The following TBC1D14 variants were observed in gnomAD, a reference collection of about 807,000 sequenced individuals.
TBC1D14 encodes the protein TBC1 domain family, member 14.
TBC1D14 carries 26 observed loss-of-function variants against 79.0 expected under a neutral mutation model. That is an observed-to-expected ratio of 0.33 (90% confidence interval 0.24 to 0.46). TBC1D14 has a LOEUF of 0.46. Ranked by LOEUF, TBC1D14 falls within the 20% of genes least tolerant of loss-of-function variation. TBC1D14 has a pLI of 1.00. For missense variants in TBC1D14, 769 were observed against 887.6 expected (o/e 0.87, Z 1.70); for synonymous variants, 394 against 349.9 (o/e 1.13, Z -1.40).
intron 3 of TBC1D14, among the ~76,000 whole-genome samples, chr4:6,975,329 C>T (rs1327826537): frequency 6.6e-6 from 1 of 152,174 alleles, no homozygotes; most frequent in African/African-American, 2.4e-5. Flanking sequence ...CCATCTCAGC[C>T]TCGTGAGTAA....
At chr4:6,969,555 A>G (rs1437286495) in intron 3 of TBC1D14, among the ~76,000 whole-genome samples, 2 of 151,938 alleles carry the variant, frequency 1.3e-5, no homozygotes, top group Non-Finnish European at 2.9e-5. Context: ...ACAGGTGCCC[A>G]CCACCGCGCC....
At chr4:6,939,048 C>T (rs1180553331) in intron 2 of TBC1D14, among the ~76,000 whole-genome samples, 1 of 152,200 alleles carries the variant, frequency 6.6e-6, no homozygotes, top group Non-Finnish European at 1.5e-5. Context: ...GAAACCCTCT[C>T]CGGCTCAGCC....
At chr4:6,988,630 A>C (rs774494263) in intron 3 of TBC1D14, among the ~76,000 whole-genome samples, 8 of 152,212 alleles carry the variant, frequency 5.3e-5, no homozygotes, top group Non-Finnish European at 1.2e-4. Flanking sequence ...GGTTATTTTC[A>C]CTGGTGAATC....
At chr4:6,945,816 A>G (rs945430982) in intron 2 of TBC1D14, among the ~76,000 whole-genome samples, 4 of 150,064 alleles carry the variant, frequency 2.7e-5, no homozygotes, top group African/African-American at 7.3e-5. Flanking sequence ...ATGAGATAGC[A>G]TGGGAGGGGA....
chr4:6,996,376 T>C lies in TBC1D14; in HGVS notation c.1014T>C (p.Tyr338=). ...AEEAQKHRQQ[Y]EEMVVQAKKR... Reference sequence around the variant, plus strand: ...AAGCTCAGAAGCACAGACAGCAGTATGAAGAAATGGTGGTTCAGGCCAAAA... The same window carrying C: ...AAGCTCAGAAGCACAGACAGCAGTACGAAGAAATGGTGGTTCAGGCCAAAA... The change falls in exon 5 of 14, where the codon TAT becomes TAC. Residue 338 remains tyrosine, a synonymous_variant. Coordinates refer to ENST00000409757, the MANE Select transcript of TBC1D14 (RefSeq NM_020773.3). The C allele has an allele frequency of 1.2e-6, 2 of 1,613,786 alleles. No homozygotes were observed. Among genetic ancestry groups the C allele is most frequent in the Non-Finnish European group, 1.7e-6 (2 of 1,179,822 alleles).
intron 1 of TBC1D14, among the ~76,000 whole-genome samples, chr4:6,920,101 T>A (rs1285834505): frequency 2.6e-5 from 4 of 151,960 alleles, no homozygotes; most frequent in African/African-American, 9.7e-5. Flanking sequence ...TTGGTAGAGA[T>A]GGGGGTCTCA....
At chr4:7,018,896 C>T (rs1721536943) in intron 12 of TBC1D14, among the ~76,000 whole-genome samples, 1 of 152,226 alleles carries the variant, frequency 6.6e-6, no homozygotes, top group South Asian at 2.1e-4. Flanking sequence ...TGTGAGTGAG[C>T]TTTATAATAA....
At chr4:6,989,465 C>A (rs1718261126) in intron 3 of TBC1D14, among the ~76,000 whole-genome samples, 1 of 152,220 alleles carries the variant, frequency 6.6e-6, no homozygotes, top group East Asian at 1.9e-4. Flanking sequence ...CCACGTCTTA[C>A]CTGTCTGTCC....
chr4:6,944,142 T>G (rs1468423048), intron 2 of TBC1D14, among the ~76,000 whole-genome samples: 3 of 152,228 alleles, frequency 2.0e-5, no homozygotes, highest in Non-Finnish European at 2.9e-5. Context: ...TCTATTTTTG[T>G]CCTTTTTAAC....
chr4:6,974,500 G>A (rs1716536476), intron 3 of TBC1D14, among the ~76,000 whole-genome samples: 1 of 152,174 alleles, frequency 6.6e-6, no homozygotes, highest in South Asian at 2.1e-4. Context: ...CAGATCTGAC[G>A]CTGAGTAGCT....
At chr4:6,998,309 A>C (rs890888593) in intron 5 of TBC1D14, among the ~76,000 whole-genome samples, 9 of 151,690 alleles carry the variant, frequency 5.9e-5, no homozygotes, top group Admixed American at 5.9e-4. Context: ...TCAGTGAGCC[A>C]AGATTGCATC....
At chr4:6,962,196 G>T (rs967599188) in intron 2 of TBC1D14, among the ~76,000 whole-genome samples, 11 of 152,176 alleles carry the variant, frequency 7.2e-5, no homozygotes, top group African/African-American at 2.4e-4. Flanking sequence ...GCACCTAGGC[G>T]CTGTGCAGGT....
chr4:7,006,547 T>G, intron 8 of TBC1D14, 85 bp from the exon 9 acceptor site: 1 of 1,281,760 alleles, frequency 7.8e-7, no homozygotes. Context: ...TTTCCGTGTT[T>G]TGTTCTTGTA....
intron 9 of TBC1D14, among the ~76,000 whole-genome samples, chr4:7,007,303 C>T (rs1720300815): frequency 6.6e-6 from 1 of 152,162 alleles, no homozygotes; most frequent in Admixed American, 6.5e-5. Context: ...CAGAGGGGAG[C>T]CTCCTCCTGG....
intron 4 of TBC1D14, among the ~76,000 whole-genome samples, chr4:6,994,766 A>G (rs1218645480): frequency 6.6e-6 from 1 of 152,006 alleles, no homozygotes; most frequent in Non-Finnish European, 1.5e-5. Flanking sequence ...AGGCTGAGGC[A>G]GGAGAATCAC....
At chr4:6,914,145 A>C (rs977971857) in intron 1 of TBC1D14, among the ~76,000 whole-genome samples, 13 of 151,796 alleles carry the variant, frequency 8.6e-5, no homozygotes, top group Non-Finnish European at 1.5e-4. Flanking sequence ...CAAAAAAAAA[A>C]AAAAAGTTCC....
At chr4:6,980,541 C>T (rs1717270009) in intron 3 of TBC1D14, among the ~76,000 whole-genome samples, 1 of 152,006 alleles carries the variant, frequency 6.6e-6, no homozygotes, top group East Asian at 1.9e-4. Flanking sequence ...AACAGATATC[C>T]GTACAATTAA....
intron 13 of TBC1D14, among the ~76,000 whole-genome samples, chr4:7,027,533 T>C (rs536260463): frequency 1.7e-4 from 20 of 119,698 alleles, no homozygotes; most frequent in African/African-American, 6.5e-4. Flanking sequence ...CACACACACA[T>C]CACATACACA....
intron 10 of TBC1D14, 117 bp from the exon 11 acceptor site, chr4:7,010,536 G>C: frequency 7.8e-7 from 1 of 1,278,828 alleles, no homozygotes; most frequent in South Asian, 1.5e-5. Flanking sequence ...GAGGAGTGGG[G>C]CGGCTCTAGG....
Sources: allele counts gnomAD v4.1 joint callset (sites outside exome capture counted in the v4.1 genomes callset), GRCh38; gene constraint gnomAD v4.1.1; transcripts MANE v1.5; gene names NCBI Gene and HGNC (gene_info 2026-07-23, HGNC 2026-07-21).